Variants in EPHA3 observed in about 807,000 individuals in gnomAD.
The protein encoded by EPHA3 is EPH receptor A3, also known as ephrin type-A receptor 3.
EPHA3 carries 42 observed loss-of-function variants against 107.1 expected under a neutral mutation model. The ratio of observed to expected loss-of-function variants is 0.39; its 90% CI spans 0.31 to 0.51. The LOEUF is 0.51. EPHA3 is among the 20% of genes least tolerant of loss of function. EPHA3 has a pLI of 0.78. For synonymous variants in EPHA3, 461 were observed against 424.8 expected, an observed-to-expected ratio of 1.09 and a Z score of -1.05; for missense variants, 1,183 against 1,211.2, an observed-to-expected ratio of 0.98 and a Z score of 0.35.
chr3:89,143,998 C>T (rs1474799216), intron 2 of EPHA3, among the ~76,000 whole-genome samples: 2 of 151,374 alleles, frequency 1.3e-5, no homozygotes, highest in South Asian at 2.1e-4. Flanking sequence ...CCCCATTTAC[C>T]CCCACAGTTT....
At chr3:89,392,114 A>C (rs1282333331) in intron 5 of EPHA3, among the ~76,000 whole-genome samples, 1 of 152,192 alleles carries the variant, frequency 6.6e-6, no homozygotes, top group South Asian at 2.1e-4. Context: ...CCATTTCAGT[A>C]ATCTATCAAT....
chr3:89,336,536 AAAT>A (rs1707396542), intron 3 of EPHA3, among the ~76,000 whole-genome samples: 1 of 152,194 alleles, frequency 6.6e-6, no homozygotes, highest in Admixed American at 6.5e-5. Flanking sequence ...TTTCTTTATA[AAAT>A]AATAATTTTA....
rs191715111 is a variant in EPHA3 at position 89,177,952 on chromosome 3, G to A, written c.154-31908G>A. On this transcript the variant is annotated intron_variant, in intron 2 of 16. Coordinates refer to ENST00000336596, the MANE Select transcript of EPHA3 (RefSeq NM_005233.6). ...TTTCCAAAGAAGACTGAGTCACAAA[G>A]CAAAAATATAATGTCTAATGATAAT... is the stretch of plus-strand genomic sequence containing the variant. 2.1e-3 allele frequency among the ~76,000 whole-genome samples: 318 copies of A among 152,122 alleles called. 1 individual carries two copies. The highest frequency in any genetic ancestry group is 3.8e-3 in the Non-Finnish European group (258 of 67,968).
intron 2 of EPHA3, among the ~76,000 whole-genome samples, chr3:89,149,287 G>A (rs1704638313): frequency 6.6e-6 from 1 of 151,870 alleles, no homozygotes; most frequent in Admixed American, 6.6e-5. Flanking sequence ...AGACATTTTG[G>A]AAAGTATTAC....
intron 2 of EPHA3, among the ~76,000 whole-genome samples, chr3:89,208,216 C>G (rs974402464): frequency 2.0e-5 from 3 of 151,036 alleles, no homozygotes; most frequent in African/African-American, 7.3e-5. Flanking sequence ...CTAAAAATAT[C>G]AAAATTAGCC....
In EPHA3 at chr3:89,164,106, G is replaced by A. The variant is rs1366150475; in HGVS notation, c.153+36833G>A. 2.0e-5 allele frequency among the ~76,000 whole-genome samples: 3 copies of A among 152,152 alleles called. No individual in the cohort carries two copies. In the East Asian group the frequency reaches 5.8e-4, roughly 29 times the overall value. ...ACAGAGGTAGCGTTTCAGACATAAA[G>A]GAGTAGAGAAGACTAATTGATTTAG... On this transcript the variant is annotated intron_variant, in intron 2 of 16. Transcript: ENST00000336596.
intron 3 of EPHA3, among the ~76,000 whole-genome samples, chr3:89,267,233 G>C (rs1021680480): frequency 1.3e-5 from 2 of 152,072 alleles, no homozygotes; most frequent in African/African-American, 4.8e-5. Context: ...AAAAGTTATA[G>C]TATCAATGAT....
chr3:89,370,637 C>T (rs1228997461), intron 5 of EPHA3, among the ~76,000 whole-genome samples: 1 of 150,666 alleles, frequency 6.6e-6, no homozygotes, highest in Non-Finnish European at 1.5e-5. Flanking sequence ...TACACATGTA[C>T]CCTAAAACTT....
chr3:89,297,962 G>A (rs1473870367), intron 3 of EPHA3, among the ~76,000 whole-genome samples: 4 of 152,096 alleles, frequency 2.6e-5, no homozygotes, highest in Admixed American at 6.6e-5. Context: ...TTGAACCTGG[G>A]AGGCGGAGGT....
At chr3:89,233,869 G>A (rs1260017899) in intron 3 of EPHA3, among the ~76,000 whole-genome samples, 1 of 152,142 alleles carries the variant, frequency 6.6e-6, no homozygotes, top group African/African-American at 2.4e-5. Flanking sequence ...TCTGTATCAG[G>A]TGCTTATAAA....
At chr3:89,202,877 T>G (rs1461407666) in intron 2 of EPHA3, among the ~76,000 whole-genome samples, 1 of 152,164 alleles carries the variant, frequency 6.6e-6, no homozygotes, top group Admixed American at 6.5e-5. Context: ...TACCACCAGA[T>G]GTGAAATAGA....
intron 5 of EPHA3, among the ~76,000 whole-genome samples, chr3:89,391,675 C>T (rs1353573923): frequency 3.3e-5 from 5 of 151,664 alleles, no homozygotes; most frequent in African/African-American, 9.7e-5. Context: ...CCTCATGATC[C>T]GCCCGCCTCG....
At chr3:89,217,543 G>T (rs1394097439) in intron 3 of EPHA3, among the ~76,000 whole-genome samples, 6 of 152,120 alleles carry the variant, frequency 3.9e-5, no homozygotes, top group Non-Finnish European at 8.8e-5. Context: ...TTCATTCTGT[G>T]AGAAGAGACC....
At chr3:89,178,280 A>G (rs755773119) in intron 2 of EPHA3, among the ~76,000 whole-genome samples, 1 of 152,100 alleles carries the variant, frequency 6.6e-6, no homozygotes, top group Non-Finnish European at 1.5e-5. Context: ...ATTTCAAGTC[A>G]TTTTTATGTT....
chr3:89,198,348 GTTA>G (rs1347411627), intron 2 of EPHA3, among the ~76,000 whole-genome samples: 2 of 152,058 alleles, frequency 1.3e-5, no homozygotes, highest in Admixed American at 6.5e-5. Context: ...TCTAGAAAAT[GTTA>G]TTATTATTTT....
intron 5 of EPHA3, 85 bp downstream of exon 5, chr3:89,342,175 G>T: frequency 8.0e-7 from 1 of 1,257,860 alleles, no homozygotes; most frequent in Non-Finnish European, 1.1e-6. Flanking sequence ...TGGGCGGAAG[G>T]AAAAAAAGAT....
chr3:89,161,912 G>A (rs1038333151), intron 2 of EPHA3, among the ~76,000 whole-genome samples: 3 of 151,858 alleles, frequency 2.0e-5, no homozygotes, highest in African/African-American at 7.3e-5. Flanking sequence ...GGGAGGTAGA[G>A]GCTGCAGTGA....
At chr3:89,392,591 GT>G (rs11434626) in intron 5 of EPHA3, among the ~76,000 whole-genome samples, 345 of 149,798 alleles carry the variant, frequency 2.3e-3, no homozygotes, top group Admixed American at 4.9e-3. Flanking sequence ...GAAGTTGAAA[GT>G]TTTTTTTTTC....
chr3:89,186,161 T>C (rs1349757695), intron 2 of EPHA3, among the ~76,000 whole-genome samples: 1 of 152,024 alleles, frequency 6.6e-6, no homozygotes, highest in Admixed American at 6.6e-5. Flanking sequence ...TAATTGGCAG[T>C]TAGTGAGTCC....
Sources: gnomAD v4.1 joint callset for allele counts (sites outside exome capture counted in the v4.1 genomes callset) on GRCh38, gnomAD v4.1.1 for gene constraint, MANE v1.5 for transcripts, NCBI Gene and HGNC (gene_info 2026-07-23, HGNC 2026-07-21) for gene names.